The following PTPRQ variants were observed in gnomAD, a reference collection of about 807,000 sequenced individuals.
The protein encoded by PTPRQ is protein tyrosine phosphatase receptor type Q, also known as phosphatidylinositol phosphatase PTPRQ.
In PTPRQ, 199 loss-of-function variants were observed where a neutral mutation model predicts 246.0. That is an observed-to-expected ratio of 0.81 (90% CI 0.72 to 0.91). The LOEUF (loss-of-function observed/expected upper bound fraction) is 0.91. PTPRQ is among the 40% of genes least tolerant of loss of function. The pLI is 0.00. For missense variants in PTPRQ, 2,624 were observed against 2,528.4 expected, an observed-to-expected ratio of 1.04 and a Z score of -0.81; for synonymous variants, 869 against 853.2, an observed-to-expected ratio of 1.02 and a Z score of -0.32.
intron 33 of PTPRQ, among the ~76,000 whole-genome samples, chr12:80,627,380 T>A (rs898001883): frequency 1.4e-5 from 2 of 140,342 alleles, no homozygotes; most frequent in East Asian, 2.0e-4. Flanking sequence ...ATAATAATAA[T>A]AAAGAAGGAG....
intron 3 of PTPRQ, chr12:80,454,677 G>A: frequency 3.4e-6 from 2 of 589,212 alleles, no homozygotes; most frequent in Middle Eastern, 3.5e-4. Flanking sequence ...TTATCATGAA[G>A]GGATATTGGA....
intron 25 of PTPRQ, among the ~76,000 whole-genome samples, chr12:80,582,464 A>G (rs1235850147): frequency 3.3e-5 from 5 of 152,126 alleles, no homozygotes; most frequent in African/African-American, 1.2e-4. Context: ...TTCAGAGGTA[A>G]TTAGGTCATT....
At chr12:80,506,475 A>G in intron 15 of PTPRQ, 94 bp from the exon 16 acceptor site, 1 of 1,038,022 alleles carries the variant, frequency 9.6e-7, no homozygotes, top group Non-Finnish European at 1.4e-6. Context: ...TTATTTTTGG[A>G]AGATTGTGTT....
rs976574759 is a variant in PTPRQ, at chr12:80,678,663, A to G, written c.6800A>G (p.Gln2267Arg). 4.5e-6 allele frequency: 7 copies of G among 1,550,552 alleles called. No homozygotes were observed. The highest frequency in any genetic ancestry group is 6.1e-6 in the Non-Finnish European group (7 of 1,146,256). Residue 2267 changes from glutamine to arginine, a missense_variant, in exon 44 of 45, where the codon CAG (glutamine) becomes CGG (arginine). By Grantham distance (43) the Gln-to-Arg change is conservative. Transcript: ENST00000644991. ...CTCTTATCAAATAAGGGAAGTAATC[A>G]GCCCATCTGTTTTGTTAACTATTCA... ...LDLLSNKGSN[Q>R]PICFVNYSAL... is the part of the protein sequence containing the mutation.
chr12:80,667,943 C>G (rs1443764109), intron 39 of PTPRQ, among the ~76,000 whole-genome samples: 1 of 151,976 alleles, frequency 6.6e-6, no homozygotes, highest in East Asian at 1.9e-4. Context: ...CTGGCTTGCA[C>G]TGTAATTTGG....
At chr12:80,664,384 G>A (rs906154714) in intron 39 of PTPRQ, among the ~76,000 whole-genome samples, 27 of 151,936 alleles carry the variant, frequency 1.8e-4, no homozygotes, top group Non-Finnish European at 3.7e-4. Flanking sequence ...CATATACTCA[G>A]TCTTTCTCCT....
intron 8 of PTPRQ, among the ~76,000 whole-genome samples, chr12:80,473,055 A>ACACACACACGCGCGCG: frequency 6.6e-6 from 1 of 150,558 alleles, no homozygotes; most frequent in African/African-American, 2.5e-5. Context: ...ACGCACACAC[A>ACACACACACGCGCGCG]CACACACACA....
chr12:80,447,289 GA>G (rs891575457), intron 3 of PTPRQ, among the ~76,000 whole-genome samples: 10 of 151,800 alleles, frequency 6.6e-5, no homozygotes, highest in African/African-American at 2.2e-4. Flanking sequence ...GTAGATTCTG[GA>G]TATCCATCCC....
intron 38 of PTPRQ, among the ~76,000 whole-genome samples, chr12:80,656,898 A>G (rs533110472): frequency 1.3e-5 from 2 of 151,446 alleles, no homozygotes; most frequent in Admixed American, 6.6e-5. Context: ...AAAAAGTCCC[A>G]ATGGGACAAA....
intron 3 of PTPRQ, among the ~76,000 whole-genome samples, chr12:80,454,062 C>A (rs1379526179): frequency 1.2e-5 from 1 of 85,828 alleles, no homozygotes; most frequent in Non-Finnish European, 2.1e-5. Context: ...CCTAAGCAAG[C>A]CTGGGCAATG....
rs148049439 is a variant in PTPRQ at position 80,538,215 on chromosome 12, C to G, written c.2986-1561C>G. ...TATATAAACAAAAGAATAAGCCTTA[C>G]TTAGATAATTTGTGCCAAAAGACAT... is the stretch of plus-strand genomic sequence containing the variant. On this transcript the variant is annotated intron_variant, in intron 19 of 44. Coordinates refer to ENST00000644991, the MANE Select transcript of PTPRQ (RefSeq NM_001145026.2). Among the ~76,000 whole-genome samples, 408 of 152,282 alleles carry G rather than the reference C, an allele frequency of 2.7e-3. 1 individual carries two copies. The highest frequency in any genetic ancestry group is 3.6e-3 in the Non-Finnish European group (242 of 68,012).
At chr12:80,677,525 T>C (rs534066536) in intron 43 of PTPRQ, among the ~76,000 whole-genome samples, 3 of 152,334 alleles carry the variant, frequency 2.0e-5, no homozygotes, top group African/African-American at 2.4e-5. Context: ...CAAACACTTA[T>C]TATACAACTA....
intron 8 of PTPRQ, among the ~76,000 whole-genome samples, chr12:80,474,838 A>T (rs1473047292): frequency 6.6e-6 from 1 of 152,108 alleles, no homozygotes; most frequent in African/African-American, 2.4e-5. Flanking sequence ...AAAGCAGACA[A>T]ATTTCTGAGA....
chr12:80,676,628 C>T (rs1220207031), intron 43 of PTPRQ, among the ~76,000 whole-genome samples: 1 of 152,002 alleles, frequency 6.6e-6, no homozygotes, highest in East Asian at 1.9e-4. Context: ...GGCGACAGAG[C>T]GAGACTCTGT....
intron 35 of PTPRQ, among the ~76,000 whole-genome samples, 159 bp downstream of exon 35, chr12:80,635,232 T>G (rs1899600672): frequency 6.6e-6 from 1 of 152,214 alleles, no homozygotes; most frequent in Non-Finnish European, 1.5e-5. Context: ...CACTTCTCAC[T>G]GCTGTTCAGA....
chr12:80,480,301 A>C (rs1340793948), intron 8 of PTPRQ, among the ~76,000 whole-genome samples: 1 of 152,194 alleles, frequency 6.6e-6, no homozygotes, highest in African/African-American at 2.4e-5. Context: ...TGAAGGCAGA[A>C]ATAAAGATGT....
At chr12:80,460,225 C>T (rs1893112495) in intron 5 of PTPRQ, among the ~76,000 whole-genome samples, 1 of 152,128 alleles carries the variant, frequency 6.6e-6, no homozygotes, top group Admixed American at 6.5e-5. Context: ...ACGCACACAC[C>T]TAACGTGTGA....
At chr12:80,658,849 C>T (rs1022497856) in intron 39 of PTPRQ, among the ~76,000 whole-genome samples, 6 of 151,878 alleles carry the variant, frequency 4.0e-5, no homozygotes, top group Admixed American at 2.6e-4. Flanking sequence ...TTTTCTTATC[C>T]ATAGGTCTTC....
At position 80,585,823 on chromosome 12, in the gene PTPRQ, G is replaced by A. The variant is rs1336051861; in HGVS notation, c.4286-2306G>A. On this transcript the variant is annotated intron_variant, in intron 25 of 44. Transcript: ENST00000644991. Reference sequence around the variant, plus strand: ...ATGTATACATGTGCCATGCTGGTGCGCTGCACCCACTAACTCGTCATCTAG... The same window carrying A: ...ATGTATACATGTGCCATGCTGGTGCACTGCACCCACTAACTCGTCATCTAG... Among the ~76,000 whole-genome samples, 13 of 149,800 alleles carry A rather than the reference G, an allele frequency of 8.7e-5. No homozygotes were observed. In the South Asian group the frequency reaches 2.1e-3, roughly 24 times the overall value.
Sources: allele counts gnomAD v4.1 joint callset (sites outside exome capture counted in the v4.1 genomes callset), GRCh38; gene constraint gnomAD v4.1.1; transcripts MANE v1.5; gene names NCBI Gene and HGNC (gene_info 2026-07-23, HGNC 2026-07-21).